The following DLG5 variants were observed in gnomAD, a reference collection of about 807,000 sequenced individuals.
DLG5 encodes the protein disks large homolog 5.
Under a neutral mutation model 189.8 loss-of-function variants are expected in DLG5, and 48 were observed. That is an observed-to-expected ratio of 0.25 (90% confidence interval 0.20 to 0.32). The LOEUF is 0.32. Among genes scored for constraint, DLG5 ranks in the 10% least tolerant of loss-of-function variants. The pLI is 1.00. For missense variants in DLG5, 2,160 were observed against 2,544.7 expected (o/e 0.85, Z 3.25); for synonymous variants, 1,016 against 1,054.1 (o/e 0.96, Z 0.70).
intron 1 of DLG5, among the ~76,000 whole-genome samples, chr10:77,872,381 C>T (rs1002785571): frequency 3.9e-5 from 6 of 152,196 alleles, no homozygotes; most frequent in South Asian, 2.1e-4. Flanking sequence ...ACAGGCCAAG[C>T]GACACGTTCT....
chr10:77,891,224 A>G lies in DLG5; in HGVS notation c.305-22027T>C, dbSNP rs1845597366. ...ATGAGGCTGGGGTCAGGGTGGTTTC[A>G]TGGATGTGTGACCTTGTGCAGTCTC... On this transcript the variant is annotated intron_variant, in intron 1 of 31. Coordinates refer to ENST00000372391, the MANE Select transcript of DLG5 (RefSeq NM_004747.4). 2.0e-5 allele frequency among the ~76,000 whole-genome samples: 3 copies of G among 152,126 alleles called. No individual in the cohort carries two copies. The South Asian group carries it at 6.2e-4, about 32-fold the overall frequency.
At chr10:77,939,920 G>A in the DLG5 span, among the ~76,000 whole-genome samples, 8,147 of 152,244 alleles carry the variant, frequency 0.054, 272 homozygotes, top group African/African-American at 0.074. Flanking sequence ...AATGGGCAAT[G>A]GCCAGACTAT....
chr10:77,829,617 G>A (rs955659679), intron 11 of DLG5, 87 bp from the exon 12 acceptor site: 4 of 1,451,566 alleles, frequency 2.8e-6, no homozygotes, highest in African/African-American at 1.4e-5. Context: ...GGGGCTGACT[G>A]CCAAGGAGTG....
intron 31 of DLG5, chr10:77,792,876 A>T (rs1312866322): frequency 9.2e-6 from 3 of 324,558 alleles, no homozygotes; most frequent in Non-Finnish European, 1.7e-5. Flanking sequence ...TCTGCAGGAA[A>T]CGACAAGTTT....
At chr10:77,840,158 G>C (rs781218424) in intron 7 of DLG5, among the ~76,000 whole-genome samples, 1 of 152,094 alleles carries the variant, frequency 6.6e-6, no homozygotes, top group Non-Finnish European at 1.5e-5. Flanking sequence ...CAGGAGGATC[G>C]CTTGAGCCCA....
chr10:77,872,069 G>A (rs745575365), intron 1 of DLG5, among the ~76,000 whole-genome samples: 1 of 152,178 alleles, frequency 6.6e-6, no homozygotes, highest in Non-Finnish European at 1.5e-5. Context: ...TTGGTGGATT[G>A]TTTTTGGAAG....
At chr10:77,810,285 G>A (rs1023640332) in intron 23 of DLG5, among the ~76,000 whole-genome samples, 3 of 152,204 alleles carry the variant, frequency 2.0e-5, no homozygotes, top group African/African-American at 4.8e-5. Flanking sequence ...ACAGATACAG[G>A]GGGCTTCAGG....
intron 26 of DLG5, 85 bp from the exon 27 acceptor site, chr10:77,805,946 G>A: frequency 5.1e-6 from 7 of 1,361,880 alleles, no homozygotes; most frequent in Non-Finnish European, 6.1e-6. Flanking sequence ...GAAAAGCAAA[G>A]GTGGGCCAGA....
intron 22 of DLG5, 149 bp from the exon 23 acceptor site, chr10:77,811,383 G>T: frequency 1.0e-6 from 1 of 993,730 alleles, no homozygotes. Flanking sequence ...CACATTAGAA[G>T]CCTGGACCCA....
chr10:77,876,052 C>T lies in DLG5; in HGVS notation c.305-6855G>A, dbSNP rs754522047. On this transcript the variant is annotated intron_variant, in intron 1 of 31. Coordinates refer to ENST00000372391, the MANE Select transcript of DLG5 (RefSeq NM_004747.4). ...CTGCTGATGCGCCTTATATGCCACC[C>T]GAGGGTGGGAAAATCCTACTCTTGG... Among the ~76,000 whole-genome samples, 5 of 151,946 alleles carry T rather than the reference C, an allele frequency of 3.3e-5. No homozygotes were observed. In the East Asian group the frequency reaches 7.7e-4, roughly 23 times the overall value.
chr10:77,820,490 A>G (rs1172073118), intron 15 of DLG5: 1 of 163,328 alleles, frequency 6.1e-6, no homozygotes, highest in East Asian at 1.9e-4. Context: ...TGCCTTACAC[A>G]TCTTCAAGGA....
At chr10:77,836,207 T>G (rs1480099755) in intron 7 of DLG5, among the ~76,000 whole-genome samples, 1 of 152,284 alleles carries the variant, frequency 6.6e-6, no homozygotes, top group African/African-American at 2.4e-5. Context: ...TGAAGTGCTG[T>G]GTATCTCAGT....
chr10:77,825,253 G>A (rs1488674722), intron 13 of DLG5, among the ~76,000 whole-genome samples: 1 of 152,130 alleles, frequency 6.6e-6, no homozygotes, highest in Non-Finnish European at 1.5e-5. Context: ...AGGGATGGGA[G>A]GGAGCAGGGG....
At chr10:77,927,023 GC>G, upstream of DLG5, 4 of 320,842 alleles carry the variant, frequency 1.2e-5, no homozygotes, top group South Asian at 4.5e-5. Flanking sequence ...GGCCGCCTCG[GC>G]CCCCGTGCAC....
intron 20 of DLG5, among the ~76,000 whole-genome samples, chr10:77,814,643 C>T (rs993857495): frequency 2.0e-5 from 3 of 151,758 alleles, no homozygotes; most frequent in African/African-American, 7.3e-5. Context: ...GGCGCAATCT[C>T]AGCTCACTGC....
chr10:77,879,565 G>C (rs1003583076), intron 1 of DLG5, among the ~76,000 whole-genome samples: 38 of 151,998 alleles, frequency 2.5e-4, no homozygotes, highest in African/African-American at 7.7e-4. Flanking sequence ...AGCAATGCTG[G>C]GGGTCTGGAC....
At chr10:77,888,346 C>A (rs1369739941) in intron 1 of DLG5, among the ~76,000 whole-genome samples, 3 of 152,170 alleles carry the variant, frequency 2.0e-5, no homozygotes. Flanking sequence ...TCTCCTGCAG[C>A]CCCTGCGTGG....
At chr10:77,846,035 A>G (rs911084539) in intron 5 of DLG5, among the ~76,000 whole-genome samples, 14 of 151,806 alleles carry the variant, frequency 9.2e-5, no homozygotes, top group African/African-American at 2.4e-4. Context: ...ACCTGAGGTC[A>G]GGAGTTTGAG....
In DLG5 at chr10:77,811,174, C is replaced by T. The variant is rs768143860; in HGVS notation, c.4383G>A (p.Pro1461=). 2.5e-6 allele frequency: 4 copies of T among 1,613,334 alleles called. No homozygotes were observed. Among genetic ancestry groups the T allele is most frequent in the Admixed American group, 3.3e-5 (2 of 59,978 alleles). The change falls in exon 23 of 32, where the codon CCG becomes CCA. Residue 1461 remains proline, a synonymous_variant. Transcript: ENST00000372391. ...GTGGGTCGATGACAGATGGATGCTC[C>T]GGGGTGGTGGTGCCACTGCCCTGGA... ...STLQGSGTTT[P]EHPSVIDPLM...
Sources: gnomAD v4.1 joint callset for allele counts (sites outside exome capture counted in the v4.1 genomes callset) on GRCh38, gnomAD v4.1.1 for gene constraint, MANE v1.5 for transcripts, NCBI Gene and HGNC (gene_info 2026-07-23, HGNC 2026-07-21) for gene names.